The following NDNF variants were observed in gnomAD, a reference collection of about 807,000 sequenced individuals.
The protein encoded by NDNF is protein NDNF.
In NDNF, 16 loss-of-function variants were observed where a neutral mutation model predicts 42.0. That is an observed-to-expected ratio of 0.38 (90% confidence interval 0.26 to 0.58). NDNF has a LOEUF of 0.58. Ranked by LOEUF, NDNF falls within the 20% of genes least tolerant of loss-of-function variation. NDNF has a pLI of 0.67. For synonymous variants in NDNF, 248 were observed against 251.7 expected (o/e 0.99, Z 0.14); for missense variants, 616 against 666.2 (o/e 0.92, Z 0.83).
intron 3 of NDNF, chr4:121,037,877 A>T: frequency 2.5e-6 from 1 of 400,990 alleles, no homozygotes; most frequent in Non-Finnish European, 4.4e-6. Context: ...TTATTTCTTC[A>T]GAGCAGAATC....
intron 1 of NDNF, among the ~76,000 whole-genome samples, chr4:121,071,188 C>T (rs1727589697): frequency 6.6e-6 from 1 of 152,164 alleles, no homozygotes; most frequent in Admixed American, 6.5e-5. Context: ...CCCCAACTCA[C>T]GCACAGACAG....
chr4:121,053,503 A>G (rs953195706), intron 1 of NDNF, among the ~76,000 whole-genome samples: 2 of 152,230 alleles, frequency 1.3e-5, no homozygotes, highest in African/African-American at 4.8e-5. Flanking sequence ...AACTGGCCGA[A>G]ATAAATGTCT....
chr4:121,062,700 C>T (rs1029872600), intron 1 of NDNF, among the ~76,000 whole-genome samples: 6 of 151,816 alleles, frequency 4.0e-5, no homozygotes, highest in Non-Finnish European at 8.8e-5. Flanking sequence ...TTTTTCTTCT[C>T]CTATTTTTTT....
At chr4:121,065,167 G>A (rs1022726696) in intron 1 of NDNF, among the ~76,000 whole-genome samples, 2 of 152,054 alleles carry the variant, frequency 1.3e-5, no homozygotes, top group South Asian at 4.2e-4. Context: ...GTTCTTTGTT[G>A]TTCCATGACC....
At chr4:121,058,147 G>A (rs1346801625) in intron 1 of NDNF, among the ~76,000 whole-genome samples, 1 of 151,946 alleles carries the variant, frequency 6.6e-6, no homozygotes, top group Non-Finnish European at 1.5e-5. Context: ...TAGTTTTCTT[G>A]TATAAAGTAG....
rs1351669574 is a variant in NDNF, at chr4:121,045,596, T to C, written c.188+54A>G. On this transcript the variant is annotated intron_variant, in intron 2 of 3. Transcript: ENST00000379692. ...CTAAGTCTAAAGGTTACTCTCTTTT[T>C]TGGAGGCATCCTTTGTGAGCTTTTT... is the stretch of plus-strand genomic sequence containing the variant. 8.8e-6 allele frequency: 13 copies of C among 1,471,440 alleles called. No homozygotes were observed. The African/African-American group carries it at 1.8e-4, about 20-fold the overall frequency. 91.1% of individuals were successfully genotyped at this position (1,471,440 alleles called of 1,614,324 possible).
intron 1 of NDNF, among the ~76,000 whole-genome samples, chr4:121,070,395 G>T (rs1727569790): frequency 2.0e-5 from 3 of 152,134 alleles, no homozygotes; most frequent in Admixed American, 6.5e-5. Flanking sequence ...CCGAACCCAG[G>T]GAGGATTTTA....
intron 2 of NDNF, among the ~76,000 whole-genome samples, chr4:121,044,336 C>G (rs1727053247): frequency 6.6e-6 from 1 of 152,102 alleles, no homozygotes; most frequent in Non-Finnish European, 1.5e-5. Flanking sequence ...TGTTCTGAAA[C>G]AGTTTAATCC....
rs1727622342 is a variant in NDNF at position 121,072,334 on chromosome 4, C to A, written c.-343G>T. The A allele has an allele frequency of 6.6e-6, 1 of 150,930 alleles. No homozygotes were observed. The highest frequency in any genetic ancestry group is 1.5e-5 in the Non-Finnish European group (1 of 67,772). 9.3% of individuals were successfully genotyped at this position (150,930 alleles called of 1,614,324 possible). A position where few individuals can be genotyped will look rare whatever the true frequency, so the allele number is the denominator to read the frequency against. ...GGAGGTCCTTTTAAACTGCAGGGAG[C>A]GTGCGGGGGCTGGGCGGCGGGAGGA... On this transcript the variant is annotated 5_prime_UTR_variant, in exon 1 of 4. Transcript: ENST00000379692.
chr4:121,060,205 G>C (rs1405187220), intron 1 of NDNF, among the ~76,000 whole-genome samples: 1 of 151,790 alleles, frequency 6.6e-6, no homozygotes, highest in Non-Finnish European at 1.5e-5. Context: ...TTTTGAGACA[G>C]AGTCTTGCTC....
At position 121,072,419 on chromosome 4, in the gene NDNF, G is replaced by T. The variant is rs1000190836; in HGVS notation, c.-428C>A. 6.6e-6 allele frequency: 1 copy of T among 151,462 alleles called. No individual in the cohort carries two copies. Among genetic ancestry groups the T allele is most frequent in the African/African-American group, 2.4e-5 (1 of 41,268 alleles). The allele number at this position is 151,462 out of a possible 1,614,324, so 9.4% of individuals were successfully genotyped here. A position where few individuals can be genotyped will look rare whatever the true frequency, so the allele number is the denominator to read the frequency against. ...GCCGGCCGCCGCTAGTCGCACAGGCGCCTGGCTGGAGCGCCGCGCGGGGTG... is the reference window on the plus strand; with the variant it reads ...GCCGGCCGCCGCTAGTCGCACAGGCTCCTGGCTGGAGCGCCGCGCGGGGTG... On this transcript the variant is annotated 5_prime_UTR_variant, in exon 1 of 4. Transcript: ENST00000379692.
At chr4:121,047,398 C>A (rs1351823538) in intron 1 of NDNF, among the ~76,000 whole-genome samples, 1 of 152,176 alleles carries the variant, frequency 6.6e-6, no homozygotes, top group Non-Finnish European at 1.5e-5. Flanking sequence ...TACTTTTAGT[C>A]CTCACAATAA....
intron 1 of NDNF, among the ~76,000 whole-genome samples, chr4:121,054,703 A>T (rs1356445546): frequency 5.9e-5 from 9 of 152,262 alleles, no homozygotes; most frequent in Non-Finnish European, 1.2e-4. Context: ...AGGTATTGAC[A>T]AAAGGAAAGG....
At chr4:121,065,696 T>G in intron 1 of NDNF, among the ~76,000 whole-genome samples, 1 of 148,466 alleles carries the variant, frequency 6.7e-6, no homozygotes, top group Non-Finnish European at 1.5e-5. Flanking sequence ...TTATATTCAC[T>G]TTTATGTGTA....
chr4:121,060,018 T>C (rs1727375783), intron 1 of NDNF, among the ~76,000 whole-genome samples: 2 of 152,178 alleles, frequency 1.3e-5, no homozygotes, highest in Non-Finnish European at 2.9e-5. Context: ...TTGTTAGAAC[T>C]TTCTAATCTT....
At chr4:121,049,208 C>T (rs1450175513) in intron 1 of NDNF, among the ~76,000 whole-genome samples, 4 of 152,206 alleles carry the variant, frequency 2.6e-5, no homozygotes, top group African/African-American at 9.6e-5. Context: ...CCATGGGTCT[C>T]TGTGTTTGCT....
At chr4:121,066,482 T>G (rs924500789) in intron 1 of NDNF, among the ~76,000 whole-genome samples, 2 of 152,212 alleles carry the variant, frequency 1.3e-5, no homozygotes, top group African/African-American at 4.8e-5. Context: ...ATACTGGTTT[T>G]TCTCTCTTAA....
rs1385441570 is a variant in NDNF at position 121,072,506 on chromosome 4, C to T, written c.-515G>A. 6.6e-6 allele frequency: 1 copy of T among 151,550 alleles called. No individual in the cohort carries two copies. The highest frequency in any genetic ancestry group is 1.5e-5 in the Non-Finnish European group (1 of 67,608). 9.4% of individuals were successfully genotyped at this position (151,550 alleles called of 1,614,324 possible). ...GGCGGGTGCGCTGCTCAGTTAGCTC[C>T]ACTCTCTCGCGGCTGGAAGTGGGGA... On this transcript the variant is annotated 5_prime_UTR_variant, in exon 1 of 4. Coordinates refer to ENST00000379692, the MANE Select transcript of NDNF (RefSeq NM_024574.4).
intron 1 of NDNF, among the ~76,000 whole-genome samples, chr4:121,047,965 T>C (rs906302077): frequency 2.6e-5 from 4 of 152,192 alleles, no homozygotes; most frequent in East Asian, 1.9e-4. Flanking sequence ...CAAGACTAGG[T>C]TGATATAATC....
Sources: gnomAD v4.1 joint callset for allele counts (sites outside exome capture counted in the v4.1 genomes callset) on GRCh38, gnomAD v4.1.1 for gene constraint, MANE v1.5 for transcripts, NCBI Gene and HGNC (gene_info 2026-07-23, HGNC 2026-07-21) for gene names.